Variants in SETSIP observed in about 807,000 individuals in gnomAD.
SETSIP encodes the protein protein SETSIP.
In SETSIP, 15 loss-of-function variants were observed where a neutral mutation model predicts 21.9. That is an observed-to-expected ratio of 0.69 (90% CI 0.46 to 1.06). The LOEUF (loss-of-function observed/expected upper bound fraction) is 1.06, where lower values mean the gene tolerates loss of function less well. SETSIP is among the 50% of genes least tolerant of loss of function. SETSIP has a pLI of 0.00. For missense variants in SETSIP, 310 were observed against 337.4 expected (o/e 0.92, Z 0.64); for synonymous variants, 101 against 121.2 (o/e 0.83, Z 1.09).
Position 92,075,354 on chromosome 1 carries a change from G to A in SETSIP, c.58C>T (p.Pro20Ser), listed in dbSNP as rs1016068239. The A allele has an allele frequency of 1.8e-4, 289 of 1,610,378 alleles. 1 individual carries two copies. Among genetic ancestry groups the A allele is most frequent in the Non-Finnish European group, 3.9e-5 (46 of 1,179,140 alleles). Residue 20 changes from proline to serine, a missense_variant, in exon 1 of 1, where the codon CCT (proline) becomes TCT (serine). Physicochemically the swap from Pro to Ser is moderately conservative, Grantham distance 74. Coordinates refer to ENST00000596516, the Ensembl canonical transcript of SETSIP. ...GATGTCTCCTCCAGTCCCAGAGCAGGAGGTGGTCTTGGTTTCTTCTTTTGA... is the reference window on the plus strand; with the variant it reads ...GATGTCTCCTCCAGTCCCAGAGCAGAAGGTGGTCTTGGTTTCTTCTTTTGA...
exon 1 of SETSIP, chr1:92,074,765 T>C (rs1159335604): frequency 1.9e-6 from 3 of 1,610,650 alleles, no homozygotes; most frequent in East Asian, 2.2e-5. Flanking sequence ...CTCTTCTAAC[T>C]CATCAGCACC....
exon 1 of SETSIP, chr1:92,075,216 T>C (rs1647812964): frequency 6.2e-7 from 1 of 1,611,818 alleles, no homozygotes; most frequent in Non-Finnish European, 8.5e-7. Context: ...ACTTTCAAAA[T>C]CTCCTCACTG....
exon 1 of SETSIP, chr1:92,075,224 C>A: frequency 6.2e-7 from 1 of 1,611,918 alleles, no homozygotes; most frequent in Non-Finnish European, 8.5e-7. Flanking sequence ...AATCTCCTCA[C>A]TGTCTTGTTC....
At chr1:92,074,695 A>T in exon 1 of SETSIP, 2 of 1,596,826 alleles carry the variant, frequency 1.3e-6, no homozygotes, top group South Asian at 1.1e-5. Context: ...CTTCTTCATC[A>T]TCCATATCAG....
At chr1:92,075,039 C>T in exon 1 of SETSIP, 1 of 1,611,898 alleles carries the variant, frequency 6.2e-7, no homozygotes, top group Non-Finnish European at 8.5e-7. Context: ...AATTCTGTCA[C>T]TTCAACTTTA....
At chr1:92,074,696 T>C (rs1020197510) in exon 1 of SETSIP, 4 of 1,597,710 alleles carry the variant, frequency 2.5e-6, no homozygotes, top group Non-Finnish European at 3.4e-6. Flanking sequence ...TTCTTCATCA[T>C]CCATATCAGG....
Position 92,074,761 on chromosome 1 carries a change from T to TA in SETSIP, c.650dup (p.Leu217PhefsTer8), listed in dbSNP as rs1455473029. On this transcript the variant is annotated frameshift_variant, in exon 1 of 1. Transcript: ENST00000596516. LOFTEE classifies it high-confidence loss of function. ...AAATATCATCTTTGATGACCTCTTCTAACTCATCAGCACCTGCATCAGAAT... is the reference window on the plus strand; with the variant it reads ...AAATATCATCTTTGATGACCTCTTCTAAACTCATCAGCACCTGCATCAGAAT... 3.3e-5 allele frequency: 53 copies of TA among 1,610,676 alleles called. No homozygotes were observed. In the Admixed American group the frequency reaches 5.2e-4, roughly 16 times the overall value.
chr1:92,075,289 C>T, exon 1 of SETSIP: 1 of 1,611,930 alleles, frequency 6.2e-7, no homozygotes, highest in Non-Finnish European at 8.5e-7. Context: ...TTGCTTCTTG[C>T]TGTTCTTTTT....
exon 1 of SETSIP, chr1:92,074,643 C>T: frequency 1.3e-6 from 2 of 1,578,176 alleles, no homozygotes; most frequent in South Asian, 1.2e-5. Context: ...TCTTCCTCCC[C>T]TTCATCACCA....
chr1:92,074,704 A>C, exon 1 of SETSIP: 2 of 1,599,976 alleles, frequency 1.3e-6, no homozygotes, highest in Non-Finnish European at 8.5e-7. Flanking sequence ...CATCCATATC[A>C]GGAACCAAGT....
exon 1 of SETSIP, chr1:92,074,775 C>A: frequency 6.2e-7 from 1 of 1,610,958 alleles, no homozygotes. Flanking sequence ...TCATCAGCAC[C>A]TGCATCAGAA....
exon 1 of SETSIP, chr1:92,074,698 C>T: frequency 6.3e-7 from 1 of 1,597,938 alleles, no homozygotes; most frequent in East Asian, 2.2e-5. Flanking sequence ...CTTCATCATC[C>T]ATATCAGGAA....
chr1:92,074,651 CCATCAT>C (rs370013355), exon 1 of SETSIP: 68 of 1,578,316 alleles, frequency 4.3e-5, no homozygotes, highest in African/African-American at 2.9e-4. Context: ...CCCTTCATCA[CCATCAT>C]CATCATCATC....
chr1:92,074,792 G>C, exon 1 of SETSIP: 1 of 1,611,202 alleles, frequency 6.2e-7, no homozygotes, highest in Non-Finnish European at 8.5e-7. Context: ...AGAATGATCA[G>C]TAAACCAGGT....
chr1:92,075,129 C>G (rs1422991863), exon 1 of SETSIP: 23 of 1,611,702 alleles, frequency 1.4e-5, no homozygotes, highest in Non-Finnish European at 1.9e-5. Context: ...GTTGTTACCC[C>G]AAAATTTGGG....
rs1647816953 is a variant in SETSIP at position 92,075,394 on chromosome 1, C to G, written c.18G>C (p.Gln6His). 8 of 1,592,782 alleles carry G rather than the reference C, an allele frequency of 5.0e-6. No individual in the cohort carries two copies. In the South Asian group the frequency reaches 9.0e-5, roughly 18 times the overall value. Residue 6 changes from glutamine to histidine, a missense_variant, in exon 1 of 1, where the codon CAG (glutamine) becomes CAC (histidine). Physicochemically the swap from Gln to His is conservative, Grantham distance 24. Transcript: ENST00000596516. ...TCTTCTTTTGAAGTGGGAGTGGAGA[C>G]TGGCGTTTAGGGGCCATGCTGTTAG...
exon 1 of SETSIP, chr1:92,074,652 C>A: frequency 1.3e-6 from 2 of 1,520,056 alleles, no homozygotes. Flanking sequence ...CCTTCATCAC[C>A]ATCATCATCA....
exon 1 of SETSIP, chr1:92,075,343 T>C: frequency 6.2e-7 from 1 of 1,611,380 alleles, no homozygotes; most frequent in East Asian, 2.2e-5. Context: ...TCTCCTCCAG[T>C]CCCAGAGCAG....
chr1:92,075,333 T>A lies in SETSIP; in HGVS notation c.79A>T (p.Thr27Ser). The change falls in exon 1 of 1, where the codon ACA (threonine) becomes TCA (serine). Residue 27 changes from threonine (T) to serine (S), a missense_variant. By Grantham distance (58) the Thr-to-Ser change is moderately conservative (BLOSUM62 1). Coordinates refer to ENST00000596516, the Ensembl canonical transcript of SETSIP. ...TTCGGCAAGCCTGCAGAGGCCGATGTCTCCTCCAGTCCCAGAGCAGGAGGT... is the reference window on the plus strand; with the variant it reads ...TTCGGCAAGCCTGCAGAGGCCGATGACTCCTCCAGTCCCAGAGCAGGAGGT... The A allele has an allele frequency of 2.5e-6, 4 of 1,611,674 alleles. No homozygotes were observed. The South Asian group carries it at 3.3e-5, about 13-fold the overall frequency.
Sources: gnomAD v4.1 joint callset for allele counts on GRCh38, gnomAD v4.1.1 for gene constraint, MANE v1.5 for transcripts, NCBI Gene and HGNC (gene_info 2026-07-23, HGNC 2026-07-21) for gene names.